Variants in TSHZ1 observed in about 807,000 individuals in gnomAD.
TSHZ1 encodes the protein teashirt zinc finger homeobox 1.
In TSHZ1, 12 loss-of-function variants were observed where a neutral mutation model predicts 67.1. The ratio of observed to expected loss-of-function variants is 0.18; its 90% CI spans 0.11 to 0.29. TSHZ1 has a LOEUF of 0.29. Among genes scored for constraint, TSHZ1 ranks in the 10% least tolerant of loss-of-function variants. TSHZ1 has a pLI of 1.00. For synonymous variants in TSHZ1, 632 were observed against 622.4 expected, an observed-to-expected ratio of 1.02 and a Z score of -0.23; for missense variants, 1,305 against 1,413.9, an observed-to-expected ratio of 0.92 and a Z score of 1.23.
At chr18:75,247,807 T>A (rs1053307215) in intron 1 of TSHZ1, among the ~76,000 whole-genome samples, 2 of 151,952 alleles carry the variant, frequency 1.3e-5, no homozygotes, top group African/African-American at 4.8e-5. Context: ...AAAATATCAG[T>A]GACCTTATCA....
chr18:75,234,487 C>G (rs2023041344), intron 1 of TSHZ1, among the ~76,000 whole-genome samples: 1 of 152,160 alleles, frequency 6.6e-6, no homozygotes, highest in African/African-American at 2.4e-5. Context: ...GCTCCAAAAT[C>G]TAATAAGTCA....
At chr18:75,221,334 T>A (rs1013330691) in intron 1 of TSHZ1, among the ~76,000 whole-genome samples, 2 of 152,242 alleles carry the variant, frequency 1.3e-5, no homozygotes. Flanking sequence ...AAGTGCATCT[T>A]CAGCAAGATC....
chr18:75,229,064 G>A (rs943084648), intron 1 of TSHZ1, among the ~76,000 whole-genome samples: 1 of 152,254 alleles, frequency 6.6e-6, no homozygotes. Context: ...AGCTCTCAAA[G>A]TGAGTGAGGG....
Position 75,236,492 on chromosome 18 carries a change from T to G in TSHZ1, c.40+24576T>G, listed in dbSNP as rs991129774. Among the ~76,000 whole-genome samples the G allele has an allele frequency of 1.4e-4, 21 of 152,208 alleles. No individual in the cohort carries two copies. The East Asian group carries it at 4.0e-3, about 29-fold the overall frequency. Reference sequence around the variant, plus strand: ...TTTAAGGGATGGCGTTCATTATTCTTTATAAATACTAATTGTAGCATTCTT... The same window carrying G: ...TTTAAGGGATGGCGTTCATTATTCTGTATAAATACTAATTGTAGCATTCTT... On this transcript the variant is annotated intron_variant, in intron 1 of 1. Transcript: ENST00000580243.
chr18:75,285,913 GC>G lies in TSHZ1; in HGVS notation c.510del (p.Thr171ProfsTer91). On this transcript the variant is annotated frameshift_variant, in exon 2 of 2. Coordinates refer to ENST00000580243, the MANE Select transcript of TSHZ1 (RefSeq NM_001308210.2). LOFTEE classifies it high-confidence loss of function. ...TPPTCPVSTT[G>X]PTTSTPSTSC... Reference sequence around the variant, plus strand: ...CCCACCTGCCCCGTCAGCACCACTGGCCCCACCACGAGCACGCCCAGCACCA... The same window carrying G: ...CCCACCTGCCCCGTCAGCACCACTGGCCCACCACGAGCACGCCCAGCACCA... 1 of 1,495,016 alleles carries G rather than the reference GC, an allele frequency of 6.7e-7. No individual in the cohort carries two copies. 92.6% of individuals were successfully genotyped at this position (1,495,016 alleles called of 1,614,324 possible).
intron 1 of TSHZ1, among the ~76,000 whole-genome samples, chr18:75,236,874 G>GGTCATGTAACAGA (rs374405002): frequency 1.3e-4 from 20 of 152,164 alleles, no homozygotes; most frequent in Admixed American, 2.0e-4. Flanking sequence ...AGGTTACAGG[G>GGTCATGTAACAGA]TAAGACAGAT....
chr18:75,230,998 A>G (rs975384923), intron 1 of TSHZ1, among the ~76,000 whole-genome samples: 3 of 152,242 alleles, frequency 2.0e-5, no homozygotes, highest in Admixed American at 2.0e-4. Context: ...TTGTGGGGAA[A>G]AACCAAATAT....
intron 1 of TSHZ1, chr18:75,283,068 T>C: frequency 6.6e-6 from 1 of 152,406 alleles, no homozygotes; most frequent in Non-Finnish European, 1.5e-5. Flanking sequence ...TAGTCGATCC[T>C]GATAGAAGGG....
chr18:75,287,886 T>A lies in TSHZ1; in HGVS notation c.2479T>A (p.Ser827Thr). The A allele has an allele frequency of 1.2e-6, 2 of 1,614,190 alleles. No individual in the cohort carries two copies. Among genetic ancestry groups the A allele is most frequent in the Non-Finnish European group, 1.7e-6 (2 of 1,180,046 alleles). Residue 827 changes from serine to threonine, a missense_variant, in exon 2 of 2, where the codon TCG (serine) becomes ACG (threonine). This residue lies in a region of TSHZ1 where 909 missense variants were observed against 961.8 expected (regional missense o/e 0.95). Coordinates refer to ENST00000580243, the MANE Select transcript of TSHZ1 (RefSeq NM_001308210.2). The surrounding 1 kb of genome is among the most constrained non-coding windows in gnomAD (Gnocchi z 5.0). ...GCCGCTGGTGTCCAGCGTGGCTGAT[T>A]CGGTGGCATCACCTCTGCGGGAGAG... Reference protein sequence around the residue: ...NKPLVSSVADSVASPLRESAL... With the variant: ...NKPLVSSVADTVASPLRESAL...
chr18:75,286,526 G>A lies in TSHZ1; in HGVS notation c.1119G>A (p.Glu373=). ...CTGAGCCAGCAGGAATGGCCGCAGA[G>A]GTGGCCCTGAGTGAGTCAGCCAAGG... ...CSPEPAGMAA[E]VALSESAKDQ... The change falls in exon 2 of 2, where the codon GAG becomes GAA. Residue 373 remains glutamate, a synonymous_variant. Coordinates refer to ENST00000580243, the MANE Select transcript of TSHZ1 (RefSeq NM_001308210.2). This position sits in a 1 kb window ranked among gnomAD's most constrained non-coding sequence, Gnocchi z 5.1. The A allele has an allele frequency of 6.2e-7, 1 of 1,614,198 alleles. No individual in the cohort carries two copies.
intron 1 of TSHZ1, among the ~76,000 whole-genome samples, chr18:75,278,731 C>T (rs899300926): frequency 4.6e-5 from 7 of 151,976 alleles, no homozygotes; most frequent in Non-Finnish European, 8.8e-5. Flanking sequence ...AGATCAGAAG[C>T]GCAGGTCCTC....
intron 1 of TSHZ1, among the ~76,000 whole-genome samples, chr18:75,253,765 A>AT (rs2023332064): frequency 1.3e-5 from 2 of 152,228 alleles, no homozygotes; most frequent in East Asian, 1.9e-4. Context: ...AAAGGACCTG[A>AT]TTTTTTAAAA....
At chr18:75,231,397 C>A (rs530889439) in intron 1 of TSHZ1, among the ~76,000 whole-genome samples, 6 of 152,330 alleles carry the variant, frequency 3.9e-5, no homozygotes, top group African/African-American at 1.4e-4. Context: ...GGGGCTTCTC[C>A]CCAGATCTTT....
intron 1 of TSHZ1, chr18:75,245,291 G>A (rs2023208334): frequency 6.6e-6 from 1 of 152,208 alleles, no homozygotes; most frequent in Non-Finnish European, 1.5e-5. Flanking sequence ...GTTGGATGCG[G>A]GAAATAGCCA....
intron 1 of TSHZ1, among the ~76,000 whole-genome samples, chr18:75,260,408 C>T (rs2023416641): frequency 6.6e-6 from 1 of 152,180 alleles, no homozygotes; most frequent in South Asian, 2.1e-4. Flanking sequence ...TCTATGAAGA[C>T]AAAGACAGTC....
chr18:75,243,299 G>T (rs530550655), intron 1 of TSHZ1, among the ~76,000 whole-genome samples: 1 of 152,330 alleles, frequency 6.6e-6, no homozygotes, highest in Admixed American at 6.5e-5. Flanking sequence ...CCATTGTTGA[G>T]TGTCTGTCGT....
chr18:75,285,607 C>T lies in TSHZ1; in HGVS notation c.200C>T (p.Ala67Val), dbSNP rs543956737. Reference protein sequence around the residue: ...QSYQNSPVSSATNQDAGYGSP... With the variant: ...QSYQNSPVSSVTNQDAGYGSP... ...TACCAGAACTCCCCAGTCAGCTCTG[C>T]GACTAACCAGGACGCCGGCTACGGG... The change falls in exon 2 of 2, where the codon GCG becomes GTG. Residue 67 changes from alanine (A) to valine (V), a missense_variant. This residue lies in a region of TSHZ1 where 358 missense variants were observed against 375.6 expected (regional missense o/e 0.95). Coordinates refer to ENST00000580243, the MANE Select transcript of TSHZ1 (RefSeq NM_001308210.2). 134 of 1,611,592 alleles carry T rather than the reference C, an allele frequency of 8.3e-5. 1 individual carries two copies. The highest frequency in any genetic ancestry group is 6.2e-4 in the Admixed American group (37 of 59,946).
At chr18:75,249,172 C>T (rs2023261245) in intron 1 of TSHZ1, among the ~76,000 whole-genome samples, 1 of 152,146 alleles carries the variant, frequency 6.6e-6, no homozygotes. Context: ...CACCCAGGCC[C>T]CACCTGCTAC....
At chr18:75,232,104 G>A (rs900986239) in intron 1 of TSHZ1, among the ~76,000 whole-genome samples, 1 of 151,526 alleles carries the variant, frequency 6.6e-6, no homozygotes, top group African/African-American at 2.4e-5. Flanking sequence ...GTAGTGACAG[G>A]GTTTCTCCAT....
Sources: allele counts gnomAD v4.1 joint callset (sites outside exome capture counted in the v4.1 genomes callset), GRCh38; gene constraint gnomAD v4.1.1; regional missense constraint gnomAD v4.1.1; non-coding constraint Gnocchi (gnomAD v3.1); transcripts MANE v1.5; gene names NCBI Gene and HGNC (gene_info 2026-07-23, HGNC 2026-07-21).